BAIAP2: variants seen among roughly 807,000 people sequenced by gnomAD.
BAIAP2 encodes BAR/IMD domain-containing adapter protein 2.
A neutral mutation model predicts 63.0 loss-of-function variants in BAIAP2; 18 were observed. The ratio of observed to expected loss-of-function variants is 0.29; its 90% CI spans 0.20 to 0.42. The LOEUF (loss-of-function observed/expected upper bound fraction) is 0.42. BAIAP2 is among the 10% of genes least tolerant of loss of function. The pLI, the probability that BAIAP2 is intolerant of heterozygous loss-of-function variation, is 1.00. For missense variants in BAIAP2, 610 were observed against 734.3 expected (o/e 0.83, Z 1.96); for synonymous variants, 386 against 307.6 (o/e 1.25, Z -2.67).
At chr17:81,056,934 C>A (rs185988017) in intron 2 of BAIAP2, among the ~76,000 whole-genome samples, 1 of 152,232 alleles carries the variant, frequency 6.6e-6, no homozygotes, top group African/African-American at 2.4e-5. Flanking sequence ...TCTGCTGTTG[C>A]GTTTTTCTTT....
In BAIAP2 at chr17:81,094,935, T is replaced by A. The variant is rs572268730; in HGVS notation, c.490-4993T>A. On this transcript the variant is annotated intron_variant, in intron 6 of 13. Transcript: ENST00000428708. ...GAACGTGGGAAAGCTGCAGCAGCCG[T>A]GGCGGATGAGGTAAACCAAAGCCGC... Among the ~76,000 whole-genome samples, 13 of 152,234 alleles carry A rather than the reference T, an allele frequency of 8.5e-5. 1 individual carries two copies. Among genetic ancestry groups the A allele is most frequent in the Admixed American group, 3.9e-4 (6 of 15,288 alleles).
chr17:81,116,529 C>T lies in BAIAP2; in HGVS notation c.*690C>T, dbSNP rs1367186483. On this transcript the variant is annotated 3_prime_UTR_variant, in exon 14 of 14. Coordinates refer to ENST00000428708, the MANE Select transcript of BAIAP2 (RefSeq NM_001144888.2). ...TGCTGCCAGGGCCTCCCAGCTCGCT[C>T]CTGCGGCCAAAGGCCAGCTGTCAGG... The T allele has an allele frequency of 6.5e-6, 4 of 615,790 alleles. No homozygotes were observed. The highest frequency in any genetic ancestry group is 4.4e-4 in the Middle Eastern group (1 of 2,274). 38.1% of individuals were successfully genotyped at this position (615,790 alleles called of 1,614,324 possible). A position where few individuals can be genotyped will look rare whatever the true frequency, so the allele number is the denominator to read the frequency against.
At chr17:81,069,806 G>A (rs1415608090) in intron 3 of BAIAP2, among the ~76,000 whole-genome samples, 1 of 152,170 alleles carries the variant, frequency 6.6e-6, no homozygotes, top group Non-Finnish European at 1.5e-5. Context: ...TGGTCTCGCC[G>A]GTCACGTGGG....
intron 3 of BAIAP2, among the ~76,000 whole-genome samples, chr17:81,063,235 G>A (rs2050898257): frequency 1.3e-5 from 2 of 152,196 alleles, no homozygotes; most frequent in African/African-American, 4.8e-5. Flanking sequence ...AGGGGAGGCA[G>A]GGCTTTGAGG....
At chr17:81,113,601 C>T (rs930215585) in intron 13 of BAIAP2, among the ~76,000 whole-genome samples, 1 of 152,160 alleles carries the variant, frequency 6.6e-6, no homozygotes, top group Non-Finnish European at 1.5e-5. Flanking sequence ...CTCTGGCCTG[C>T]GCTCTCCCCA....
intron 4 of BAIAP2, 37 bp downstream of exon 4, chr17:81,084,930 C>G (rs1568136645): frequency 6.2e-7 from 1 of 1,606,220 alleles, no homozygotes; most frequent in African/African-American, 1.3e-5. Context: ...CGAGGAGGGG[C>G]AGGTGCGACG....
intron 13 of BAIAP2, among the ~76,000 whole-genome samples, chr17:81,113,509 C>T (rs538048127): frequency 1.3e-5 from 2 of 152,230 alleles, no homozygotes; most frequent in African/African-American, 4.8e-5. Flanking sequence ...CTTTCCCAGA[C>T]AGCTGGGGGG....
intron 2 of BAIAP2, 53 bp from the exon 3 acceptor site, chr17:81,057,828 G>C: frequency 6.3e-7 from 1 of 1,576,764 alleles, no homozygotes; most frequent in Non-Finnish European, 8.6e-7. Context: ...TTTGCTGGGG[G>C]TCTTGTCTGT....
chr17:81,035,530 C>A (rs2046103086), intron 1 of BAIAP2, among the ~76,000 whole-genome samples: 1 of 149,376 alleles, frequency 6.7e-6, no homozygotes, highest in Non-Finnish European at 1.5e-5. Flanking sequence ...CGGGCCCCCC[C>A]ATCCCATGCG....
intron 3 of BAIAP2, among the ~76,000 whole-genome samples, chr17:81,067,750 C>T (rs1376174036): frequency 6.6e-6 from 1 of 152,222 alleles, no homozygotes; most frequent in Non-Finnish European, 1.5e-5. Flanking sequence ...AGGCACCCTC[C>T]CTGAGCGCTC....
At chr17:81,053,347 G>T in intron 1 of BAIAP2, 1 of 302,096 alleles carries the variant, frequency 3.3e-6, no homozygotes. Flanking sequence ...CTCGGCAGCG[G>T]CGCGTCTGAG....
intron 6 of BAIAP2, among the ~76,000 whole-genome samples, chr17:81,090,881 G>T (rs923500365): frequency 6.6e-6 from 1 of 152,190 alleles, no homozygotes. Flanking sequence ...TTGCAAACCC[G>T]GCCAGCGGGC....
chr17:81,062,577 G>A (rs1295029723), intron 3 of BAIAP2, among the ~76,000 whole-genome samples: 3 of 152,020 alleles, frequency 2.0e-5, no homozygotes, highest in South Asian at 2.1e-4. Flanking sequence ...CTGCTCGGCC[G>A]TGCAGAGTCA....
intron 6 of BAIAP2, among the ~76,000 whole-genome samples, 198 bp downstream of exon 6, chr17:81,086,778 G>C (rs1445142815): frequency 1.3e-5 from 2 of 152,228 alleles, no homozygotes; most frequent in Non-Finnish European, 2.9e-5. Context: ...CACCTGTGGG[G>C]CTCTGTCCTG....
chr17:81,113,866 G>A (rs1275496292), intron 13 of BAIAP2, among the ~76,000 whole-genome samples: 1 of 152,138 alleles, frequency 6.6e-6, no homozygotes, highest in Admixed American at 6.5e-5. Flanking sequence ...GATGAGAATC[G>A]GCTGTGATTC....
intron 3 of BAIAP2, among the ~76,000 whole-genome samples, chr17:81,069,004 C>A (rs1285533631): frequency 6.6e-6 from 1 of 152,174 alleles, no homozygotes; most frequent in Non-Finnish European, 1.5e-5. Flanking sequence ...TAGAAACAGA[C>A]AGGACAGGGT....
intron 10 of BAIAP2, 50 bp downstream of exon 10, chr17:81,104,765 T>C (rs1568180877): frequency 2.6e-6 from 4 of 1,510,590 alleles, no homozygotes; most frequent in Non-Finnish European, 3.6e-6. Flanking sequence ...CTTCAGCAAG[T>C]GTGTGGGGCA....
At position 81,072,453 on chromosome 17, in the gene BAIAP2, A is replaced by G. The variant is rs190556358; in HGVS notation, c.218-12379A>G. On this transcript the variant is annotated intron_variant, in intron 3 of 13. Transcript: ENST00000428708. ...CTCTCCTGCCCTGTTTGACGCCCACACTCGTCAGTTTCACCTTGGTGCCAA... is the reference window on the plus strand; with the variant it reads ...CTCTCCTGCCCTGTTTGACGCCCACGCTCGTCAGTTTCACCTTGGTGCCAA... Among the ~76,000 whole-genome samples, 509 of 151,936 alleles carry G rather than the reference A, an allele frequency of 3.4e-3. 10 individuals are homozygous for G. Among genetic ancestry groups the G allele is most frequent in the Admixed American group, 0.03 (458 of 15,294 alleles).
At chr17:81,074,548 TGTGTGAGTGCCTGTTC>T (rs1315208316) in intron 3 of BAIAP2, among the ~76,000 whole-genome samples, 1 of 145,994 alleles carries the variant, frequency 6.8e-6, no homozygotes, top group Non-Finnish European at 1.5e-5. Flanking sequence ...CGTGCACAGA[TGTGTGAGTGCCTGTTC>T]GTGTGCGTGC....
Sources: gnomAD v4.1 joint callset for allele counts (sites outside exome capture counted in the v4.1 genomes callset) on GRCh38, gnomAD v4.1.1 for gene constraint, MANE v1.5 for transcripts, NCBI Gene and HGNC (gene_info 2026-07-23, HGNC 2026-07-21) for gene names.